The following TTC28 variants were observed in gnomAD, a reference collection of about 807,000 sequenced individuals.
TTC28 encodes the protein tetratricopeptide repeat domain 28.
Under a neutral mutation model 198.0 loss-of-function variants are expected in TTC28, and 61 were observed. That is an observed-to-expected ratio of 0.31 (90% CI 0.25 to 0.38). The LOEUF is 0.38. TTC28 is among the 10% of genes least tolerant of loss of function. TTC28 has a pLI of 1.00. For missense variants in TTC28, 2,678 were observed against 3,164.0 expected, an observed-to-expected ratio of 0.85 and a Z score of 3.69; for synonymous variants, 1,171 against 1,297.8, an observed-to-expected ratio of 0.90 and a Z score of 2.10.
At chr22:28,029,351 G>A (rs775142673) in intron 13 of TTC28, among the ~76,000 whole-genome samples, 13 of 152,146 alleles carry the variant, frequency 8.5e-5, no homozygotes, top group Non-Finnish European at 1.6e-4. Flanking sequence ...CAGACAGGGC[G>A]CACAATGCCC....
At chr22:28,521,858 A>C (rs1000453064) in intron 2 of TTC28, among the ~76,000 whole-genome samples, 3 of 152,196 alleles carry the variant, frequency 2.0e-5, no homozygotes, top group African/African-American at 7.2e-5. Context: ...GGGAATTGGA[A>C]TTCAGAACCC....
intron 12 of TTC28, among the ~76,000 whole-genome samples, chr22:28,039,338 C>T (rs563013372): frequency 6.6e-6 from 1 of 152,102 alleles, no homozygotes; most frequent in African/African-American, 2.4e-5. Flanking sequence ...TACTATGCAG[C>T]CATAAAAAAG....
intron 2 of TTC28, among the ~76,000 whole-genome samples, chr22:28,610,535 C>T (rs2050802819): frequency 6.6e-6 from 1 of 152,136 alleles, no homozygotes; most frequent in South Asian, 2.1e-4. Flanking sequence ...AGAGGAATAG[C>T]ATCAACATCA....
At chr22:28,313,305 G>C (rs112378182) in intron 2 of TTC28, among the ~76,000 whole-genome samples, 3,236 of 152,200 alleles carry the variant, frequency 0.021, 33 homozygotes, top group Non-Finnish European at 0.027. Context: ...TGATACCATT[G>C]CTTCTGAAAC....
chr22:28,406,748 G>C (rs747433577), intron 2 of TTC28, among the ~76,000 whole-genome samples: 2 of 152,172 alleles, frequency 1.3e-5, no homozygotes, highest in African/African-American at 2.4e-5. Context: ...GTTAACCTGG[G>C]TGAGTCTGTG....
chr22:28,465,691 C>G (rs564049944), intron 2 of TTC28, among the ~76,000 whole-genome samples: 1 of 152,148 alleles, frequency 6.6e-6, no homozygotes, highest in African/African-American at 2.4e-5. Flanking sequence ...CTAAATAATT[C>G]AAAGTAATAG....
At chr22:28,535,690 C>T (rs1359810452) in intron 2 of TTC28, among the ~76,000 whole-genome samples, 1 of 151,976 alleles carries the variant, frequency 6.6e-6, no homozygotes, top group Non-Finnish European at 1.5e-5. Flanking sequence ...GGATGGACTT[C>T]CCCCTTGCCA....
intron 2 of TTC28, among the ~76,000 whole-genome samples, chr22:28,597,948 C>T (rs989043209): frequency 2.0e-5 from 3 of 151,770 alleles, no homozygotes; most frequent in Non-Finnish European, 4.4e-5. Context: ...CATGCCACCA[C>T]ACCTCCTGAG....
chr22:28,296,171 T>G (rs911303775), intron 5 of TTC28, 27 bp downstream of exon 5: 88 of 1,518,516 alleles, frequency 5.8e-5, no homozygotes, highest in Non-Finnish European at 7.6e-5. Flanking sequence ...AAAAAAAATG[T>G]TTTTGGTCTG....
rs1555909582 is a variant in TTC28 at position 28,670,704 on chromosome 22, C to CATACATATATATATAT, written c.102+8917_102+8918insATATATATATATGTAT. 4.9e-3 allele frequency among the ~76,000 whole-genome samples: 635 copies of CATACATATATATATAT among 128,582 alleles called. 20 individuals are homozygous for CATACATATATATATAT. Among genetic ancestry groups the CATACATATATATATAT allele is most frequent in the African/African-American group, 0.018 (619 of 34,054 alleles). 84.4% of individuals were successfully genotyped at this position (128,582 alleles called of 152,430 possible). On this transcript the variant is annotated intron_variant, in intron 1 of 22. Coordinates refer to ENST00000397906, the MANE Select transcript of TTC28 (RefSeq NM_001145418.2). ...AACAATTGTTTTGATGTCTTTAGGG[C>CATACATATATATATAT]ATATATATATATATATATATGAGTG... is the stretch of plus-strand genomic sequence containing the variant.
intron 2 of TTC28, among the ~76,000 whole-genome samples, chr22:28,564,158 C>A (rs1006407233): frequency 2.0e-5 from 3 of 152,106 alleles, no homozygotes; most frequent in African/African-American, 7.2e-5. Context: ...ATGCTTAATG[C>A]ATATGGGACT....
At position 28,353,079 on chromosome 22, in the gene TTC28, T is replaced by C. The variant is rs1040654665; in HGVS notation, c.382-46436A>G. Among the ~76,000 whole-genome samples the C allele has an allele frequency of 7.2e-5, 11 of 151,948 alleles. No individual in the cohort carries two copies. The East Asian group carries it at 2.1e-3, about 29-fold the overall frequency. The stretch of plus-strand genomic sequence containing the variant: ...GAAGATTAACCTAATAAAATCATAA[T>C]GGAAATCCCAAAACACAGGACAGAC... On this transcript the variant is annotated intron_variant, in intron 2 of 22. Transcript: ENST00000397906.
At chr22:28,476,977 G>A (rs2048176409) in intron 2 of TTC28, among the ~76,000 whole-genome samples, 1 of 152,132 alleles carries the variant, frequency 6.6e-6, no homozygotes, top group South Asian at 2.1e-4. Flanking sequence ...ATGGTGAATT[G>A]TACAGACATT....
At chr22:28,322,536 T>C (rs573120123) in intron 2 of TTC28, among the ~76,000 whole-genome samples, 76 of 152,282 alleles carry the variant, frequency 5.0e-4, no homozygotes, top group African/African-American at 1.8e-3. Flanking sequence ...AGGTGACTTA[T>C]AATATGTGAG....
chr22:28,154,577 C>T (rs905801595), intron 6 of TTC28, among the ~76,000 whole-genome samples: 1 of 151,922 alleles, frequency 6.6e-6, no homozygotes, highest in Non-Finnish European at 1.5e-5. Context: ...AGGATGGTCT[C>T]GACCTCCTGA....
At chr22:28,369,936 C>G (rs771376964) in intron 2 of TTC28, among the ~76,000 whole-genome samples, 3 of 152,024 alleles carry the variant, frequency 2.0e-5, no homozygotes, top group Non-Finnish European at 4.4e-5. Context: ...AAATGTATCC[C>G]TTCTGTTCTG....
intron 12 of TTC28, among the ~76,000 whole-genome samples, chr22:28,063,726 C>T (rs1043587740): frequency 1.3e-5 from 2 of 152,030 alleles, no homozygotes; most frequent in Non-Finnish European, 2.9e-5. Context: ...TCCAACTTCC[C>T]ATCCACACGC....
At chr22:28,521,249 T>G (rs1278088014) in intron 2 of TTC28, among the ~76,000 whole-genome samples, 1 of 148,780 alleles carries the variant, frequency 6.7e-6, no homozygotes, top group Admixed American at 6.7e-5. Flanking sequence ...AAAAAAAAAA[T>G]TAAAAAAAAT....
At chr22:28,032,268 G>T (rs1338158269) in intron 12 of TTC28, among the ~76,000 whole-genome samples, 464 of 45,728 alleles carry the variant, frequency 0.01, 17 homozygotes, top group African/African-American at 0.042. Context: ...TATATATATA[G>T]TGTGTGTGTG....
Sources: allele counts gnomAD v4.1 joint callset (sites outside exome capture counted in the v4.1 genomes callset), GRCh38; gene constraint gnomAD v4.1.1; transcripts MANE v1.5; gene names NCBI Gene and HGNC (gene_info 2026-07-23, HGNC 2026-07-21).